PCDH9: variants seen among roughly 807,000 people sequenced by gnomAD.
PCDH9 encodes protocadherin-9.
A neutral mutation model predicts 70.6 loss-of-function variants in PCDH9; 24 were observed. The ratio of observed to expected loss-of-function variants is 0.34; its 90% CI spans 0.25 to 0.48. PCDH9 has a LOEUF of 0.48. PCDH9 is among the 20% of genes least tolerant of loss of function. The probability of loss-of-function intolerance (pLI) is 0.99; values close to 1 mark genes in which losing one functional copy is unlikely to be tolerated. For synonymous variants in PCDH9, 562 were observed against 558.5 expected (o/e 1.01, Z -0.09); for missense variants, 1,281 against 1,503.6 (o/e 0.85, Z 2.45).
At chr13:67,141,932 G>A (rs186884721) in intron 2 of PCDH9, among the ~76,000 whole-genome samples, 198 of 151,854 alleles carry the variant, frequency 1.3e-3, no homozygotes, top group Non-Finnish European at 1.9e-3. Context: ...TATTTTCATC[G>A]TCGGTAAGAG....
At chr13:66,916,217 T>C (rs1038731635) in intron 2 of PCDH9, among the ~76,000 whole-genome samples, 7 of 151,710 alleles carry the variant, frequency 4.6e-5, no homozygotes, top group African/African-American at 1.7e-4. Flanking sequence ...TTAAATTATA[T>C]GTTGACATCC....
chr13:66,717,480 A>AAGTATAT (rs1566145314), intron 3 of PCDH9, among the ~76,000 whole-genome samples: 1 of 44,434 alleles, frequency 2.3e-5, no homozygotes, highest in Admixed American at 4.6e-4. Flanking sequence ...AAAAAAAAAA[A>AAGTATAT]ATATATATAT....
At chr13:66,416,878 G>A (rs1200914320) in intron 4 of PCDH9, among the ~76,000 whole-genome samples, 1 of 152,108 alleles carries the variant, frequency 6.6e-6, no homozygotes, top group Non-Finnish European at 1.5e-5. Context: ...AAAACGTCTT[G>A]AATGATATAA....
rs1198837534 is a variant in PCDH9 at position 66,622,226 on chromosome 13, T to TC, written c.3340+8983dup. On this transcript the variant is annotated intron_variant, in intron 4 of 4. Coordinates refer to ENST00000377865, the MANE Select transcript of PCDH9 (RefSeq NM_203487.3). ...ACCTGCAGCCCGCCATGCCTGAGCC[T>TC]CCCCCGCTCCGTGGGCTCCTGTGCG... 3.3e-5 allele frequency among the ~76,000 whole-genome samples: 5 copies of TC among 152,120 alleles called. No homozygotes were observed. The South Asian group carries it at 1.0e-3, about 32-fold the overall frequency.
intron 4 of PCDH9, among the ~76,000 whole-genome samples, chr13:66,349,877 A>G (rs925593275): frequency 6.6e-6 from 1 of 152,228 alleles, no homozygotes; most frequent in Non-Finnish European, 1.5e-5. Context: ...ATAGATTTGT[A>G]TAGTCAAAAG....
chr13:66,964,010 G>A (rs1413614548), intron 2 of PCDH9, among the ~76,000 whole-genome samples: 1 of 151,994 alleles, frequency 6.6e-6, no homozygotes, highest in African/African-American at 2.4e-5. Flanking sequence ...GTAGTTTACA[G>A]ACTTAATAAT....
intron 4 of PCDH9, among the ~76,000 whole-genome samples, chr13:66,495,577 A>AATACATACATACATACATAC (rs542362281): frequency 5.2e-4 from 79 of 151,048 alleles, no homozygotes; most frequent in East Asian, 2.0e-3. Context: ...TTGCAAAATA[A>AATACATACATACATACATAC]ATACATACAT....
intron 3 of PCDH9, among the ~76,000 whole-genome samples, chr13:66,820,215 A>T (rs1008151485): frequency 2.0e-5 from 3 of 152,080 alleles, no homozygotes; most frequent in Admixed American, 6.5e-5. Context: ...AAAAACACAA[A>T]CATAAGCCAT....
chr13:66,693,656 T>C (rs1211576341), intron 3 of PCDH9, among the ~76,000 whole-genome samples: 2 of 152,224 alleles, frequency 1.3e-5, no homozygotes, highest in Admixed American at 6.5e-5. Context: ...AAAATTGTTT[T>C]AGCAGACTTT....
chr13:66,787,370 C>G (rs1191790126), intron 3 of PCDH9, among the ~76,000 whole-genome samples: 1 of 152,074 alleles, frequency 6.6e-6, no homozygotes, highest in Non-Finnish European at 1.5e-5. Flanking sequence ...AATCACAGCA[C>G]TTTGGGAGGC....
intron 4 of PCDH9, among the ~76,000 whole-genome samples, chr13:66,498,362 T>G (rs1188010406): frequency 6.6e-6 from 1 of 151,818 alleles, no homozygotes; most frequent in Non-Finnish European, 1.5e-5. Flanking sequence ...CCAGGAGCAC[T>G]CTTACTAATT....
At chr13:66,428,969 T>C (rs911253003) in intron 4 of PCDH9, among the ~76,000 whole-genome samples, 4 of 151,842 alleles carry the variant, frequency 2.6e-5, no homozygotes, top group Non-Finnish European at 5.9e-5. Context: ...TTATGGTGTG[T>C]AACAGGATCT....
intron 2 of PCDH9, among the ~76,000 whole-genome samples, chr13:67,095,518 G>T (rs561922353): frequency 1.1e-4 from 16 of 152,168 alleles, no homozygotes; most frequent in African/African-American, 3.9e-4. Context: ...ATGGAAGAGA[G>T]GACACATGTT....
At chr13:67,103,202 T>A (rs995005838) in intron 2 of PCDH9, among the ~76,000 whole-genome samples, 1 of 152,062 alleles carries the variant, frequency 6.6e-6, no homozygotes, top group Non-Finnish European at 1.5e-5. Flanking sequence ...ATAAAAATGC[T>A]ACAAGGAAAA....
chr13:67,087,370 T>A (rs1203264570), intron 2 of PCDH9, among the ~76,000 whole-genome samples: 1 of 152,076 alleles, frequency 6.6e-6, no homozygotes, highest in Non-Finnish European at 1.5e-5. Flanking sequence ...AGAATAAATC[T>A]TCTTAGTACC....
intron 4 of PCDH9, among the ~76,000 whole-genome samples, chr13:66,487,243 A>G (rs2138523631): frequency 6.6e-6 from 1 of 152,342 alleles, no homozygotes; most frequent in Non-Finnish European, 1.5e-5. Context: ...GGCTCTCAAT[A>G]TGAACTGAGT....
At chr13:67,154,635 CACACACACACAT>C (rs1415788484) in intron 2 of PCDH9, among the ~76,000 whole-genome samples, 76 of 136,496 alleles carry the variant, frequency 5.6e-4, no homozygotes, top group South Asian at 1.4e-3. Context: ...CACACACACA[CACACACACACAT>C]ACAAGATACT....
At chr13:66,384,860 G>T (rs1380884670) in intron 4 of PCDH9, among the ~76,000 whole-genome samples, 1 of 151,962 alleles carries the variant, frequency 6.6e-6, no homozygotes, top group East Asian at 1.9e-4. Flanking sequence ...GTAGAGACAG[G>T]GTTTCACCAT....
At chr13:66,759,859 C>T (rs1251035086) in intron 3 of PCDH9, among the ~76,000 whole-genome samples, 2 of 152,026 alleles carry the variant, frequency 1.3e-5, no homozygotes, top group East Asian at 1.9e-4. Flanking sequence ...AATCTTCATA[C>T]TAAAGATATT....
Sources: allele counts gnomAD v4.1 joint callset (sites outside exome capture counted in the v4.1 genomes callset), GRCh38; gene constraint gnomAD v4.1.1; transcripts MANE v1.5; gene names NCBI Gene and HGNC (gene_info 2026-07-23, HGNC 2026-07-21).